The following PCDHA10 variants were observed in gnomAD, a reference collection of about 807,000 sequenced individuals.
PCDHA10 encodes protocadherin alpha 10.
A neutral mutation model predicts 61.2 loss-of-function variants in PCDHA10; 45 were observed. The observed-to-expected ratio is 0.74, with a 90% CI of 0.58 to 0.94. The LOEUF (loss-of-function observed/expected upper bound fraction) is 0.94, where lower values mean the gene tolerates loss of function less well. Among genes scored for constraint, PCDHA10 ranks in the 40% least tolerant of loss-of-function variants. PCDHA10 has a pLI of 0.00. For synonymous variants in PCDHA10, 602 were observed against 548.8 expected, an observed-to-expected ratio of 1.10 and a Z score of -1.35; for missense variants, 1,278 against 1,236.2, an observed-to-expected ratio of 1.03 and a Z score of -0.51.
chr5:140,931,838 C>G (rs572437091), intron 1 of PCDHA10, among the ~76,000 whole-genome samples: 4 of 151,894 alleles, frequency 2.6e-5, no homozygotes, highest in African/African-American at 9.6e-5. Context: ...ATCCTGAATG[C>G]CTTAATAACA....
intron 1 of PCDHA10, among the ~76,000 whole-genome samples, chr5:140,906,601 A>G (rs1337843589): frequency 6.6e-6 from 1 of 152,156 alleles, no homozygotes; most frequent in Non-Finnish European, 1.5e-5. Flanking sequence ...TCTACTACTC[A>G]TTCTGTATTC....
In PCDHA10 at chr5:140,856,671, AGTT is replaced by A. The variant is rs781932565; in HGVS notation, c.631_633del (p.Leu211del). 8 of 1,597,880 alleles carry A rather than the reference AGTT, an allele frequency of 5.0e-6. 1 individual carries two copies. The highest frequency in any genetic ancestry group is 4.5e-5 in the East Asian group (2 of 44,874). The stretch of plus-strand genomic sequence containing the variant: ...GATCGTGAAGAAAATCCTCAGCTAA[AGTT>A]GTTGTTGACAGCAACTGATGGAGGC... On this transcript the variant is annotated inframe_deletion, in exon 1 of 4. Transcript: ENST00000307360.
At chr5:140,924,895 AAAAAAAAAAATAAAAT>A (rs200266637) in intron 1 of PCDHA10, among the ~76,000 whole-genome samples, 43,424 of 132,064 alleles carry the variant, frequency 0.33, 6,815 homozygotes, top group East Asian at 0.57. Flanking sequence ...AACCTGTCTC[AAAAAAAAAAATAAAAT>A]AAAATAAAAT....
intron 1 of PCDHA10, among the ~76,000 whole-genome samples, chr5:140,917,890 T>C (rs782473137): frequency 1.3e-5 from 2 of 152,098 alleles, no homozygotes; most frequent in Non-Finnish European, 2.9e-5. Context: ...TTTTTTTCCA[T>C]ATGAATGTTA....
intron 3 of PCDHA10, among the ~76,000 whole-genome samples, chr5:141,008,684 G>A (rs1426948038): frequency 2.0e-5 from 3 of 152,236 alleles, no homozygotes; most frequent in South Asian, 4.2e-4. Flanking sequence ...TTTAGTTATT[G>A]CATGTATTAA....
At chr5:140,876,868 G>A in intron 1 of PCDHA10, 7 of 1,614,160 alleles carry the variant, frequency 4.3e-6, no homozygotes, top group Non-Finnish European at 5.9e-6. Context: ...GTTCGTGAAG[G>A]AGAACAACCC....
chr5:140,937,039 CT>C (rs34994034), intron 1 of PCDHA10, among the ~76,000 whole-genome samples: 142 of 140,130 alleles, frequency 1.0e-3, no homozygotes, highest in Middle Eastern at 3.8e-3. Flanking sequence ...TTCCATTTAT[CT>C]TTTTTTTTTT....
chr5:140,926,229 G>A (rs1251523401), intron 1 of PCDHA10: 1 of 152,186 alleles, frequency 6.6e-6, no homozygotes, highest in Non-Finnish European at 1.5e-5. Context: ...AGCCTAGAAG[G>A]TGTGGTCGCT....
chr5:140,890,931 C>T (rs2062870447), intron 1 of PCDHA10, among the ~76,000 whole-genome samples: 1 of 152,090 alleles, frequency 6.6e-6, no homozygotes, highest in Admixed American at 6.6e-5. Context: ...TTCCTTTAGT[C>T]CAAAGATGCT....
intron 1 of PCDHA10, among the ~76,000 whole-genome samples, chr5:140,948,168 T>G (rs1217978838): frequency 6.6e-6 from 1 of 151,636 alleles, no homozygotes; most frequent in Non-Finnish European, 1.5e-5. Flanking sequence ...AACCTTCCAT[T>G]CCTAGGGTAA....
chr5:140,884,514 C>T (rs368331245), intron 1 of PCDHA10: 3 of 1,614,176 alleles, frequency 1.9e-6, no homozygotes, highest in African/African-American at 1.3e-5. Context: ...GGGAGTTGGT[C>T]GTACTCGCAG....
intron 1 of PCDHA10, among the ~76,000 whole-genome samples, chr5:140,975,280 T>G (rs914764307): frequency 5.3e-5 from 8 of 152,252 alleles, no homozygotes; most frequent in Admixed American, 3.9e-4. Context: ...CTCTGACCTC[T>G]AGACCCAGAT....
intron 1 of PCDHA10, chr5:140,884,138 G>T (rs782798249): frequency 6.2e-7 from 1 of 1,613,410 alleles, no homozygotes; most frequent in Admixed American, 1.7e-5. Context: ...CCCGTTCCGC[G>T]TGGGGCTGTA....
rs533343357 is a variant in PCDHA10, at chr5:140,856,093, C to G, written c.45C>G (p.Leu15=). 1.3e-6 allele frequency: 2 copies of G among 1,597,146 alleles called. 1 individual carries two copies. Among genetic ancestry groups the G allele is most frequent in the Non-Finnish European group, 1.7e-6 (2 of 1,166,952 alleles). Residue 15 remains leucine (L), a synonymous_variant, in exon 1 of 4, where the codon CTC becomes CTG. Transcript: ENST00000307360. ...GCCTGGGGGTCCAGTGTCTGCTGCT[C>G]TCGCTTCTTCTCCTCGCAGCCTGGG... is the stretch of plus-strand genomic sequence containing the variant. ...CSCLGVQCLL[L]SLLLLAAWEV...
chr5:140,894,554 G>GAAA (rs1204407145), intron 1 of PCDHA10, among the ~76,000 whole-genome samples: 2 of 151,600 alleles, frequency 1.3e-5, no homozygotes, highest in African/African-American at 4.8e-5. Context: ...GTTTACTTCT[G>GAAA]AAAAAATTAT....
At chr5:140,978,048 C>T (rs2096787371) in intron 1 of PCDHA10, among the ~76,000 whole-genome samples, 1 of 152,146 alleles carries the variant, frequency 6.6e-6, no homozygotes, top group African/African-American at 2.4e-5. Flanking sequence ...GTGATGGTGA[C>T]TGATGATGTC....
At chr5:140,898,306 G>A (rs192633483) in intron 1 of PCDHA10, among the ~76,000 whole-genome samples, 25 of 152,228 alleles carry the variant, frequency 1.6e-4, no homozygotes, top group Non-Finnish European at 3.1e-4. Flanking sequence ...TTTCTTCTAG[G>A]GTTTTTATGG....
In PCDHA10 at chr5:140,929,084, T is replaced by C; in HGVS notation, c.2389-49865T>C. On this transcript the variant is annotated intron_variant, in intron 1 of 3. Transcript: ENST00000307360. ...GAGGATCTGAGGTATGGAAGTAAGATGGTTTCAAATCCTTGCATGACATCA... is the reference window on the plus strand; with the variant it reads ...GAGGATCTGAGGTATGGAAGTAAGACGGTTTCAAATCCTTGCATGACATCA... The C allele has an allele frequency of 1.9e-6, 3 of 1,614,160 alleles. No individual in the cohort carries two copies. The South Asian group carries it at 3.3e-5, about 18-fold the overall frequency.
intron 1 of PCDHA10, chr5:140,966,920 C>G: frequency 6.2e-7 from 1 of 1,602,674 alleles, no homozygotes; most frequent in Non-Finnish European, 8.5e-7. Flanking sequence ...GCCAGAGGAG[C>G]AGGCACCCGG....
Sources: gnomAD v4.1 joint callset for allele counts (sites outside exome capture counted in the v4.1 genomes callset) on GRCh38, gnomAD v4.1.1 for gene constraint, MANE v1.5 for transcripts, NCBI Gene and HGNC (gene_info 2026-07-23, HGNC 2026-07-21) for gene names.